Variants in AGBL4 observed in about 807,000 individuals in gnomAD.
The protein encoded by AGBL4 is AGBL carboxypeptidase 4, also known as cytosolic carboxypeptidase 6.
AGBL4 carries 58 observed loss-of-function variants against 66.4 expected under a neutral mutation model. The ratio of observed to expected loss-of-function variants is 0.87; its 90% CI spans 0.71 to 1.09. AGBL4 has a LOEUF of 1.09. Ranked by LOEUF, AGBL4 falls within the 50% of genes least tolerant of loss-of-function variation. AGBL4 has a pLI of 0.00. For missense variants in AGBL4, 579 were observed against 631.0 expected, an observed-to-expected ratio of 0.92 and a Z score of 0.88; for synonymous variants, 234 against 222.9, an observed-to-expected ratio of 1.05 and a Z score of -0.44.
chr1:49,622,116 T>C (rs1645372063), intron 3 of AGBL4, among the ~76,000 whole-genome samples: 1 of 152,214 alleles, frequency 6.6e-6, no homozygotes, highest in South Asian at 2.1e-4. Context: ...TTTGATTCTG[T>C]AAGTCATATT....
intron 2 of AGBL4, among the ~76,000 whole-genome samples, chr1:49,775,306 G>A (rs1644169160): frequency 6.6e-6 from 1 of 152,070 alleles, no homozygotes; most frequent in Non-Finnish European, 1.5e-5. Context: ...ACATTGCTGT[G>A]TATATTAAAT....
chr1:49,731,584 G>T lies in AGBL4; in HGVS notation c.158-34147C>A, dbSNP rs139516395. 6.2e-3 allele frequency among the ~76,000 whole-genome samples: 943 copies of T among 152,130 alleles called. 5 individuals carry two copies. The highest frequency in any genetic ancestry group is 0.031 in the Middle Eastern group (9 of 294). The stretch of plus-strand genomic sequence containing the variant: ...AAGAGTCATGAAACATATCAATTAG[G>T]CATCAAGGGCTTATAAAAGTATAAG... On this transcript the variant is annotated intron_variant, in intron 2 of 13. Coordinates refer to ENST00000371839, the MANE Select transcript of AGBL4 (RefSeq NM_032785.4).
At chr1:48,701,271 G>A (rs1042490608) in intron 6 of AGBL4, among the ~76,000 whole-genome samples, 1 of 152,120 alleles carries the variant, frequency 6.6e-6, no homozygotes, top group African/African-American at 2.4e-5. Flanking sequence ...CTGGGAAGAG[G>A]CAGCTGATCC....
At chr1:49,396,786 C>T (rs922080674) in intron 3 of AGBL4, among the ~76,000 whole-genome samples, 5 of 152,182 alleles carry the variant, frequency 3.3e-5, no homozygotes, top group Non-Finnish European at 7.3e-5. Flanking sequence ...AAGCCCCAGA[C>T]ATTTCCTCTT....
chr1:48,586,959 G>T (rs374238029), intron 11 of AGBL4, 45 bp downstream of exon 11: 1 of 1,605,842 alleles, frequency 6.2e-7, no homozygotes, highest in African/African-American at 1.3e-5. Flanking sequence ...GGATACTCTC[G>T]GCTGGATGAG....
At chr1:49,597,409 G>A (rs893203848) in intron 3 of AGBL4, among the ~76,000 whole-genome samples, 4 of 152,166 alleles carry the variant, frequency 2.6e-5, no homozygotes, top group Admixed American at 6.5e-5. Context: ...ACTAAGTTTG[G>A]GGGATCAAGG....
At chr1:49,421,462 T>G (rs1452119427) in intron 3 of AGBL4, among the ~76,000 whole-genome samples, 1 of 152,088 alleles carries the variant, frequency 6.6e-6, no homozygotes, top group Non-Finnish European at 1.5e-5. Context: ...AGGGGTAGGC[T>G]CAGGAGAGCC....
intron 2 of AGBL4, among the ~76,000 whole-genome samples, chr1:49,740,399 G>A (rs188215903): frequency 4.1e-4 from 63 of 152,228 alleles, no homozygotes; most frequent in African/African-American, 1.5e-3. Context: ...GATTCATAAA[G>A]CAAGTCCTTA....
chr1:49,906,916 T>C (rs535867796), intron 1 of AGBL4, among the ~76,000 whole-genome samples: 5 of 152,208 alleles, frequency 3.3e-5, no homozygotes, highest in African/African-American at 4.8e-5. Context: ...CACATTTTCT[T>C]ACAAGGTCAT....
At chr1:48,773,349 C>A (rs966239835) in intron 6 of AGBL4, among the ~76,000 whole-genome samples, 3 of 152,110 alleles carry the variant, frequency 2.0e-5, no homozygotes, top group Admixed American at 2.0e-4. Flanking sequence ...ACTTTCACAA[C>A]CTGCTTGGCA....
intron 2 of AGBL4, among the ~76,000 whole-genome samples, chr1:49,712,019 G>A (rs2124661435): frequency 6.6e-6 from 1 of 151,844 alleles, no homozygotes; most frequent in East Asian, 1.9e-4. Flanking sequence ...TTTTTCACAG[G>A]GTTATTGTGA....
chr1:48,602,354 T>A (rs1483798153), intron 9 of AGBL4, among the ~76,000 whole-genome samples: 1 of 152,202 alleles, frequency 6.6e-6, no homozygotes, highest in Non-Finnish European at 1.5e-5. Context: ...TTTCCACCAT[T>A]ATATCCTGAG....
At chr1:48,802,394 T>C (rs7514802) in intron 6 of AGBL4, among the ~76,000 whole-genome samples, 148,646 of 152,220 alleles carry the variant, frequency 0.98, 72,663 homozygotes, top group East Asian at 1. Flanking sequence ...TCATTTAGAA[T>C]CTTCAATTGG....
intron 4 of AGBL4, among the ~76,000 whole-genome samples, chr1:49,082,881 G>A (rs1381408579): frequency 6.6e-6 from 1 of 152,220 alleles, no homozygotes; most frequent in Non-Finnish European, 1.5e-5. Context: ...ATACAATGGA[G>A]GTACAGGCAT....
chr1:48,552,451 C>T (rs1569753271), intron 11 of AGBL4, among the ~76,000 whole-genome samples: 1 of 152,218 alleles, frequency 6.6e-6, no homozygotes, highest in Non-Finnish European at 1.5e-5. Flanking sequence ...GTATACAGAA[C>T]ATTCACACTG....
At chr1:49,966,795 G>A (rs1657602294) in intron 1 of AGBL4, among the ~76,000 whole-genome samples, 1 of 152,056 alleles carries the variant, frequency 6.6e-6, no homozygotes, top group Non-Finnish European at 1.5e-5. Context: ...ACTGATTCAA[G>A]ACTATTTTCT....
intron 1 of AGBL4, among the ~76,000 whole-genome samples, chr1:49,925,344 C>T (rs887272607): frequency 6.6e-6 from 1 of 152,132 alleles, no homozygotes; most frequent in South Asian, 2.1e-4. Flanking sequence ...GGATTCGCCA[C>T]GTGCTGACTG....
At chr1:49,846,153 C>T in intron 2 of AGBL4, 2 of 1,456,658 alleles carry the variant, frequency 1.4e-6, no homozygotes, top group East Asian at 2.3e-5. Flanking sequence ...AAGGAAAAGC[C>T]CTATGGGTTC....
At chr1:49,581,188 A>G in intron 3 of AGBL4, among the ~76,000 whole-genome samples, 4 of 152,172 alleles carry the variant, frequency 2.6e-5, no homozygotes, top group Admixed American at 2.6e-4. Context: ...TCAGTTCCAG[A>G]ATTTCTTTTT....
Sources: gnomAD v4.1 joint callset for allele counts (sites outside exome capture counted in the v4.1 genomes callset) on GRCh38, gnomAD v4.1.1 for gene constraint, MANE v1.5 for transcripts, NCBI Gene and HGNC (gene_info 2026-07-23, HGNC 2026-07-21) for gene names.